The following TRIP11 variants were observed in gnomAD, a reference collection of about 807,000 sequenced individuals.
The protein encoded by TRIP11 is thyroid receptor-interacting protein 11.
Under a neutral mutation model 223.1 loss-of-function variants are expected in TRIP11, and 148 were observed. The observed-to-expected ratio is 0.66, with a 90% CI of 0.58 to 0.76. TRIP11 has a LOEUF of 0.76. TRIP11 is among the 30% of genes least tolerant of loss of function. The probability of loss-of-function intolerance (pLI) is 0.00; values close to 1 mark genes in which losing one functional copy is unlikely to be tolerated. For synonymous variants in TRIP11, 762 were observed against 772.6 expected (o/e 0.99, Z 0.23); for missense variants, 2,043 against 2,222.0 (o/e 0.92, Z 1.62).
Position 92,006,496 on chromosome 14 carries a change from G to A in TRIP11, c.1528-48C>T, listed in dbSNP as rs746149944. The A allele has an allele frequency of 1.3e-5, 21 of 1,590,914 alleles. No individual in the cohort carries two copies. The African/African-American group carries it at 2.7e-4, about 20-fold the overall frequency. ...GACTTTACAACATGTTCTCATTTTA[G>A]TACTCAAAGAAAATTTTATAAAATC... On this transcript the variant is annotated intron_variant, in intron 10 of 20. Transcript: ENST00000267622.
chr14:91,985,750 G>A (rs1463017227), intron 16 of TRIP11, among the ~76,000 whole-genome samples: 1 of 152,040 alleles, frequency 6.6e-6, no homozygotes, highest in Non-Finnish European at 1.5e-5. Flanking sequence ...TTGCTGTCTG[G>A]CCAAGTTTTG....
chr14:92,000,126 T>A lies in TRIP11; in HGVS notation c.4558-18A>T, dbSNP rs201561387. On this transcript the variant is annotated intron_variant, in intron 11 of 20. Transcript: ENST00000267622. Reference sequence around the variant, plus strand: ...GTCTTGCCCTTTTGGAAAGAAAAAATTTTAGCTTTAAAAAACACACACACA... The same window carrying A: ...GTCTTGCCCTTTTGGAAAGAAAAAAATTTAGCTTTAAAAAACACACACACA... 6.8e-6 allele frequency: 11 copies of A among 1,613,328 alleles called. No homozygotes were observed. The highest frequency in any genetic ancestry group is 1.7e-5 in the Admixed American group (1 of 59,974).
At chr14:92,011,222 G>A in intron 8 of TRIP11, 150 bp from the exon 9 acceptor site, 1 of 749,892 alleles carries the variant, frequency 1.3e-6, no homozygotes, top group South Asian at 1.6e-5. Flanking sequence ...CAGACACGGT[G>A]GCTCATGCCT....
rs771867034 is a variant in TRIP11, at chr14:92,014,229, T to G, written c.1172A>C (p.Gln391Pro). 19 of 1,613,948 alleles carry G rather than the reference T, an allele frequency of 1.2e-5. No homozygotes were observed. In the East Asian group the frequency reaches 2.2e-4, roughly 19 times the overall value. ...AGACTGTATACCAGACAGTGCTTGT[T>G]GTAGTCTGAACACTTCTTCCACTGA... Reference protein sequence around the residue: ...SASVEEVFRLQQALSDAENEI... With the variant: ...SASVEEVFRLPQALSDAENEI... Residue 391 changes from glutamine (Q) to proline (P), a missense_variant, in exon 7 of 21, where the codon CAA becomes CCA. Gln to Pro is a moderately conservative substitution (Grantham distance 76). Transcript: ENST00000267622.
In TRIP11 at chr14:92,004,067, A is replaced by T. The variant is rs760721865; in HGVS notation, c.3909T>A (p.Asp1303Glu). 4 of 1,614,150 alleles carry T rather than the reference A, an allele frequency of 2.5e-6. No individual in the cohort carries two copies. In the East Asian group the frequency reaches 8.9e-5, roughly 36 times the overall value. The change falls in exon 11 of 21, where the codon GAT becomes GAA. Residue 1303 changes from aspartate (D) to glutamate (E), a missense_variant. Physicochemically the swap from Asp to Glu is conservative, Grantham distance 45 (BLOSUM62 2). Coordinates refer to ENST00000267622, the MANE Select transcript of TRIP11 (RefSeq NM_004239.4). ...HSIGQLCNTK[D>E]LLLGKLDIIS... Reference sequence around the variant, plus strand: ...TAATATCAAGTTTTCCTAAAAGAAGATCCTTGGTATTGCAAAGCTGCCCAA... The same window carrying T: ...TAATATCAAGTTTTCCTAAAAGAAGTTCCTTGGTATTGCAAAGCTGCCCAA...
In TRIP11 at chr14:91,995,339, C is replaced by G. The variant is rs770513749; in HGVS notation, c.5056+13G>C. The stretch of plus-strand genomic sequence containing the variant: ...CAATTTTTCTTCATTGAAAGAGTGA[C>G]CGTAGAGCTTACCTTGTTGGAAATG... On this transcript the variant is annotated intron_variant, in intron 14 of 20. Transcript: ENST00000267622. 1.9e-6 allele frequency: 3 copies of G among 1,612,810 alleles called. No homozygotes were observed. The highest frequency in any genetic ancestry group is 1.1e-5 in the South Asian group (1 of 91,024).
intron 15 of TRIP11, among the ~76,000 whole-genome samples, chr14:91,993,096 A>G (rs2056700154): frequency 6.6e-6 from 1 of 151,898 alleles, no homozygotes; most frequent in African/African-American, 2.4e-5. Context: ...ATACAAAAAA[A>G]AAAAGATTTA....
intron 16 of TRIP11, among the ~76,000 whole-genome samples, chr14:91,982,833 C>T (rs1158340095): frequency 1.3e-5 from 2 of 152,170 alleles, no homozygotes; most frequent in African/African-American, 4.8e-5. Context: ...CCTCAGTTTA[C>T]AATTTGTGTT....
intron 2 of TRIP11, among the ~76,000 whole-genome samples, chr14:92,029,816 A>C (rs1360463045): frequency 6.6e-6 from 1 of 152,198 alleles, no homozygotes; most frequent in Non-Finnish European, 1.5e-5. Context: ...CCTAGAGTCT[A>C]ATGGTTATGG....
intron 20 of TRIP11, among the ~76,000 whole-genome samples, chr14:91,970,400 C>A (rs1482522195): frequency 6.6e-6 from 1 of 150,960 alleles, no homozygotes; most frequent in Non-Finnish European, 1.5e-5. Context: ...GTGGCAAGAG[C>A]AAAGCTCCAT....
intron 1 of TRIP11, among the ~76,000 whole-genome samples, 189 bp from the exon 2 acceptor site, chr14:92,033,442 A>G (rs929216659): frequency 5.9e-5 from 9 of 152,224 alleles, no homozygotes; most frequent in Non-Finnish European, 7.3e-5. Flanking sequence ...TCATTGTCAT[A>G]AAAGTCATTC....
rs775798114 is a variant in TRIP11, at chr14:92,005,662, C to T, written c.2314G>A (p.Asp772Asn). 3 of 1,613,700 alleles carry T rather than the reference C, an allele frequency of 1.9e-6. No individual in the cohort carries two copies. The highest frequency in any genetic ancestry group is 2.5e-6 in the Non-Finnish European group (3 of 1,180,000). ...TTTTTGAGTTCTGCTATTTCCATGT[C>T]TTTCTTTTGATTGAGTTTAATTAAA... ...EHLIKLNQKK[D>N]MEIAELKKNI... The change falls in exon 11 of 21, where the codon GAC becomes AAC. Residue 772 changes from aspartate to asparagine, a missense_variant. Asp to Asn is a conservative substitution (Grantham distance 23, BLOSUM62 1). Coordinates refer to ENST00000267622, the MANE Select transcript of TRIP11 (RefSeq NM_004239.4).
intron 18 of TRIP11, 42 bp from the exon 19 acceptor site, chr14:91,974,785 GAA>G (rs370006254): frequency 6.5e-4 from 684 of 1,053,340 alleles, no homozygotes; most frequent in Non-Finnish European, 7.4e-4. Context: ...ATCAGTACAA[GAA>G]AAAAAAAAAA....
rs559922884 is a variant in TRIP11 at position 92,027,514 on chromosome 14, A to G, written c.202-2094T>C. On this transcript the variant is annotated intron_variant, in intron 2 of 20. Coordinates refer to ENST00000267622, the MANE Select transcript of TRIP11 (RefSeq NM_004239.4). ...TTGGCCTGTCTGATGTATGTGTGAG[A>G]CAATGTTGTCCAACAATAAACAGGA... Among the ~76,000 whole-genome samples the G allele has an allele frequency of 2.3e-3, 344 of 152,182 alleles. 2 individuals carry two copies. Among genetic ancestry groups the G allele is most frequent in the African/African-American group, 7.9e-3 (330 of 41,516 alleles).
At chr14:91,986,802 G>A (rs8012794) in intron 16 of TRIP11, among the ~76,000 whole-genome samples, 5,445 of 152,176 alleles carry the variant, frequency 0.036, 327 homozygotes, top group African/African-American at 0.12. Flanking sequence ...ACTGGCCTTC[G>A]ATCTAACTAG....
intron 10 of TRIP11, among the ~76,000 whole-genome samples, 178 bp downstream of exon 10, chr14:92,007,462 A>C (rs937902049): frequency 6.6e-6 from 1 of 152,262 alleles, no homozygotes. Context: ...ACAACAACAG[A>C]GTTGAGTAGA....
In TRIP11 at chr14:92,025,528, A is replaced by G. The variant is rs548417070; in HGVS notation, c.202-108T>C. On this transcript the variant is annotated intron_variant, in intron 2 of 20. Transcript: ENST00000267622. ...CTGCTTTCCCCCCCCAAAAATGTCA[A>G]ATATAAAAGGTCTCGGACAGAATTC... 4 of 751,788 alleles carry G rather than the reference A, an allele frequency of 5.3e-6. No individual in the cohort carries two copies. In the Admixed American group the frequency reaches 9.4e-5, roughly 18 times the overall value. 46.6% of individuals were successfully genotyped at this position (751,788 alleles called of 1,614,324 possible). A position where few individuals can be genotyped will look rare whatever the true frequency, so the allele number is the denominator to read the frequency against.
intron 16 of TRIP11, among the ~76,000 whole-genome samples, chr14:91,986,425 T>C (rs2056604975): frequency 6.6e-6 from 1 of 152,166 alleles, no homozygotes; most frequent in Admixed American, 6.5e-5. Flanking sequence ...AATGCTCCAA[T>C]AAGCATTTCA....
chr14:91,994,541 G>A (rs2056723909), intron 14 of TRIP11, among the ~76,000 whole-genome samples: 1 of 152,164 alleles, frequency 6.6e-6, no homozygotes, highest in Admixed American at 6.5e-5. Context: ...ACCGTGCCCG[G>A]CAAGAATTCT....
Sources: allele counts gnomAD v4.1 joint callset (sites outside exome capture counted in the v4.1 genomes callset), GRCh38; gene constraint gnomAD v4.1.1; transcripts MANE v1.5; gene names NCBI Gene and HGNC (gene_info 2026-07-23, HGNC 2026-07-21).